The following METTL15 variants were observed in gnomAD, a reference collection of about 807,000 sequenced individuals.
METTL15 encodes the protein 12S rRNA N(4)-cytidine methyltransferase METTL15.
A neutral mutation model predicts 38.3 loss-of-function variants in METTL15; 34 were observed. That is an observed-to-expected ratio of 0.89 (90% CI 0.68 to 1.18). The LOEUF is 1.18. Among genes scored for constraint, METTL15 ranks in the 50% most tolerant of loss-of-function variants. The pLI is 0.00. For synonymous variants in METTL15, 162 were observed against 170.9 expected, an observed-to-expected ratio of 0.95 and a Z score of 0.41; for missense variants, 438 against 498.4, an observed-to-expected ratio of 0.88 and a Z score of 1.15.
chr11:28,341,306 A>G (rs1162977871), intron 3 of METTL15, among the ~76,000 whole-genome samples: 1 of 152,026 alleles, frequency 6.6e-6, no homozygotes, highest in Non-Finnish European at 1.5e-5. Flanking sequence ...CTCAAAACTT[A>G]AAGTATAATT....
At position 28,258,519 on chromosome 11, in the gene METTL15, A is replaced by G. The variant is rs531067742; in HGVS notation, c.408-31687A>G. On this transcript the variant is annotated intron_variant, in intron 4 of 6. Coordinates refer to ENST00000407364, the MANE Select transcript of METTL15 (RefSeq NM_001113528.2). ...AGGTGCTATCTAGGAGCCAGGGACT[A>G]TAGTCAAAAATCTTTGAAGTTTGTC... Among the ~76,000 whole-genome samples the G allele has an allele frequency of 1.8e-3, 267 of 152,220 alleles. 1 individual carries two copies. The highest frequency in any genetic ancestry group is 5.9e-3 in the African/African-American group (245 of 41,560).
chr11:28,421,491 C>A (rs1158435516), intron 5 of METTL15, among the ~76,000 whole-genome samples: 1 of 152,002 alleles, frequency 6.6e-6, no homozygotes, highest in East Asian at 1.9e-4. Context: ...TTCAGCAACA[C>A]TTTGAAAAGA....
intron 5 of METTL15, among the ~76,000 whole-genome samples, chr11:28,392,714 C>T (rs143349165): frequency 6.6e-6 from 1 of 152,058 alleles, no homozygotes; most frequent in Non-Finnish European, 1.5e-5. Context: ...AGTGAAAAGG[C>T]AAACTATGTA....
intron 6 of METTL15, among the ~76,000 whole-genome samples, chr11:28,473,521 C>T (rs1273656206): frequency 6.6e-6 from 1 of 152,122 alleles, no homozygotes; most frequent in Non-Finnish European, 1.5e-5. Context: ...TGCTTGGCTC[C>T]TGCATTCATG....
chr11:28,115,586 A>G (rs561171492), intron 3 of METTL15, among the ~76,000 whole-genome samples: 1 of 151,902 alleles, frequency 6.6e-6, no homozygotes, highest in South Asian at 2.1e-4. Flanking sequence ...TGTTATGTGT[A>G]TTATATACTG....
At chr11:28,224,913 C>G (rs1485044418) in intron 4 of METTL15, among the ~76,000 whole-genome samples, 2 of 151,520 alleles carry the variant, frequency 1.3e-5, no homozygotes, top group Admixed American at 1.3e-4. Flanking sequence ...GATTTTGCCT[C>G]TTCACTATTT....
intron 4 of METTL15, among the ~76,000 whole-genome samples, chr11:28,236,465 T>A (rs981608718): frequency 5.3e-5 from 8 of 152,164 alleles, no homozygotes; most frequent in Non-Finnish European, 1.0e-4. Flanking sequence ...TAAGCTATTG[T>A]TTATTGCCAC....
intron 4 of METTL15, among the ~76,000 whole-genome samples, chr11:28,284,922 T>C (rs2063789218): frequency 6.6e-6 from 1 of 152,094 alleles, no homozygotes; most frequent in African/African-American, 2.4e-5. Flanking sequence ...TCACCTCAAA[T>C]TGTAATCTCC....
chr11:28,264,423 ATCAAAGTAGAATGAGAACCC>A (rs1158531052), intron 4 of METTL15, among the ~76,000 whole-genome samples: 1 of 152,090 alleles, frequency 6.6e-6, no homozygotes, highest in African/African-American at 2.4e-5. Context: ...TTACTCAAAA[ATCAAAGTAGAATGAGAACCC>A]TACCTTAAAA....
rs550087010 is a variant in METTL15 at position 28,243,169 on chromosome 11, G to A, written c.407+31971G>A. ...CTTTTAGATGATTTTAAAGATAAAT[G>A]CCAAAGAGGAGCTTAAAATAATATG... On this transcript the variant is annotated intron_variant, in intron 4 of 6. Transcript: ENST00000407364. Among the ~76,000 whole-genome samples the A allele has an allele frequency of 2.0e-3, 299 of 151,950 alleles. 1 individual carries two copies. The highest frequency in any genetic ancestry group is 6.0e-3 in the African/African-American group (247 of 41,472).
chr11:28,116,066 A>G (rs1000851457), intron 3 of METTL15, among the ~76,000 whole-genome samples: 3 of 152,060 alleles, frequency 2.0e-5, no homozygotes, highest in African/African-American at 2.4e-5. Context: ...AAAGGATTAC[A>G]TAAGATCTTT....
Position 28,137,240 on chromosome 11 carries a change from A to G in METTL15, c.270+23636A>G, listed in dbSNP as rs537528847. ...AGTTAATCAATATGTTCTCATATAG[A>G]ATTTCTTTTGGAAGATTAATTTTTA... On this transcript the variant is annotated intron_variant, in intron 3 of 6. Coordinates refer to ENST00000407364, the MANE Select transcript of METTL15 (RefSeq NM_001113528.2). Among the ~76,000 whole-genome samples the G allele has an allele frequency of 4.6e-5, 7 of 152,302 alleles. No individual in the cohort carries two copies. The South Asian group carries it at 1.4e-3, about 32-fold the overall frequency.
intron 3 of METTL15, among the ~76,000 whole-genome samples, chr11:28,123,411 A>G (rs1235866829): frequency 1.3e-5 from 2 of 152,132 alleles, no homozygotes; most frequent in African/African-American, 2.4e-5. Flanking sequence ...CTCATGTAAC[A>G]AACTACTGAG....
At chr11:28,415,654 GTCAC>G (rs1208257393) in intron 5 of METTL15, among the ~76,000 whole-genome samples, 1 of 152,164 alleles carries the variant, frequency 6.6e-6, no homozygotes, top group African/African-American at 2.4e-5. Context: ...AATGGGAAGA[GTCAC>G]TCACAACAAA....
downstream of METTL15, among the ~76,000 whole-genome samples, chr11:28,531,854 C>T (rs910768978): frequency 1.3e-5 from 2 of 151,874 alleles, no homozygotes; most frequent in African/African-American, 4.8e-5. Context: ...ATCTTTTTAA[C>T]CCCCCAAAAC....
intron 3 of METTL15, among the ~76,000 whole-genome samples, chr11:28,138,498 C>G (rs1007367764): frequency 2.6e-5 from 4 of 152,170 alleles, no homozygotes; most frequent in African/African-American, 9.7e-5. Context: ...AAGGTTATGG[C>G]TTAACTGTGA....
chr11:28,291,910 A>C lies in METTL15; in HGVS notation c.599+1513A>C, dbSNP rs560731084. Among the ~76,000 whole-genome samples, 12 of 152,260 alleles carry C rather than the reference A, an allele frequency of 7.9e-5. No individual in the cohort carries two copies. In the East Asian group the frequency reaches 2.1e-3, roughly 27 times the overall value. On this transcript the variant is annotated intron_variant, in intron 5 of 6. Transcript: ENST00000407364. Reference sequence around the variant, plus strand: ...TCCCAAGAGCTTGAAAATAACACTGACACTGAGAATTTAAAATTAATACCT... The same window carrying C: ...TCCCAAGAGCTTGAAAATAACACTGCCACTGAGAATTTAAAATTAATACCT...
intron 4 of METTL15, among the ~76,000 whole-genome samples, chr11:28,251,127 A>G (rs1854724889): frequency 6.6e-6 from 1 of 152,018 alleles, no homozygotes; most frequent in Admixed American, 6.6e-5. Flanking sequence ...GATCTCTGGT[A>G]TTTCTATTAA....
intron 3 of METTL15, among the ~76,000 whole-genome samples, chr11:28,209,781 AAT>A (rs1491232480): frequency 6.6e-6 from 1 of 151,978 alleles, no homozygotes; most frequent in Non-Finnish European, 1.5e-5. Flanking sequence ...CTGTCCCTGA[AAT>A]AAGTGGAAAC....
Sources: allele counts gnomAD v4.1 joint callset (sites outside exome capture counted in the v4.1 genomes callset), GRCh38; gene constraint gnomAD v4.1.1; transcripts MANE v1.5; gene names NCBI Gene and HGNC (gene_info 2026-07-23, HGNC 2026-07-21).